Variants in DERL1 observed in about 807,000 individuals in gnomAD.
DERL1 encodes derlin 1, also known as derlin-1.
In DERL1, 24 loss-of-function variants were observed where a neutral mutation model predicts 41.6. The observed-to-expected ratio is 0.58, with a 90% CI of 0.42 to 0.81. The LOEUF (loss-of-function observed/expected upper bound fraction) is 0.81. Among genes scored for constraint, DERL1 ranks in the 30% least tolerant of loss-of-function variants. The pLI is 0.00. For missense variants in DERL1, 260 were observed against 314.3 expected, an observed-to-expected ratio of 0.83 and a Z score of 1.31; for synonymous variants, 124 against 112.5, an observed-to-expected ratio of 1.10 and a Z score of -0.65.
rs1045877943 is a variant in DERL1, at chr8:123,013,803, A to C, written c.*1644T>G. The C allele has an allele frequency of 1.3e-5, 2 of 152,310 alleles. No individual in the cohort carries two copies. The highest frequency in any genetic ancestry group is 2.4e-5 in the African/African-American group (1 of 41,558). The allele number at this position is 152,310 out of a possible 1,614,324, so 9.4% of individuals were successfully genotyped here. ...TAATGGCCTCTAAAATTTTACAAGT[A>C]AACTTTATTGTGGCCACAGATGAAC... On this transcript the variant is annotated 3_prime_UTR_variant, in exon 8 of 8. Transcript: ENST00000259512.
At chr8:123,021,983 A>G (rs1255873360) in intron 5 of DERL1, among the ~76,000 whole-genome samples, 1 of 152,188 alleles carries the variant, frequency 6.6e-6, no homozygotes, top group Admixed American at 6.5e-5. Context: ...TACTCTCCCA[A>G]ATAAGAAAGC....
intron 6 of DERL1, among the ~76,000 whole-genome samples, chr8:123,021,064 G>A (rs1216973341): frequency 6.6e-6 from 1 of 151,732 alleles, no homozygotes; most frequent in African/African-American, 2.4e-5. Flanking sequence ...CAGTTTCCAA[G>A]GCATTCTGGA....
At chr8:123,027,318 AAT>A (rs553457743) in intron 2 of DERL1, among the ~76,000 whole-genome samples, 31,558 of 108,192 alleles carry the variant, frequency 0.29, 8,923 homozygotes, top group African/African-American at 0.46. Context: ...AAAAAAAAAA[AAT>A]TTAGTGGTCT....
intron 2 of DERL1, among the ~76,000 whole-genome samples, chr8:123,027,318 A>T (rs1207054875): frequency 1.8e-5 from 2 of 109,402 alleles, no homozygotes; most frequent in Non-Finnish European, 3.6e-5. Flanking sequence ...AAAAAAAAAA[A>T]ATTTAGTGGT....
At chr8:123,021,421 A>G (rs1399260615) in intron 6 of DERL1, 26 bp downstream of exon 6, 1 of 1,600,878 alleles carries the variant, frequency 6.2e-7, no homozygotes, top group South Asian at 1.1e-5. Context: ...ATTAGTTTCC[A>G]ATTAAATAAA....
chr8:123,017,577 G>A (rs1814609805), intron 7 of DERL1: 1 of 152,162 alleles, frequency 6.6e-6, no homozygotes, highest in Non-Finnish European at 1.5e-5. Context: ...TTTGCAAGGA[G>A]CTGTATTTTG....
At chr8:123,031,048 G>T (rs1812808347) in intron 1 of DERL1, among the ~76,000 whole-genome samples, 1 of 152,126 alleles carries the variant, frequency 6.6e-6, no homozygotes, top group Non-Finnish European at 1.5e-5. Context: ...AATTACAAAG[G>T]CTTAATTTCC....
chr8:123,039,955 C>T (rs1049490913), intron 1 of DERL1, among the ~76,000 whole-genome samples: 31 of 152,186 alleles, frequency 2.0e-4, no homozygotes, highest in Admixed American at 1.4e-3. Flanking sequence ...CAGTGGCTCA[C>T]GCCTCTAATC....
chr8:123,015,630 G>A (rs1312559956), intron 7 of DERL1, 45 bp from the exon 8 acceptor site: 1 of 1,575,782 alleles, frequency 6.3e-7, no homozygotes, highest in Non-Finnish European at 8.6e-7. Flanking sequence ...AGAGAACAAA[G>A]TCACTTCCAC....
rs951773037 is a variant in DERL1 at position 123,014,424 on chromosome 8, G to A, written c.*1023C>T. The A allele has an allele frequency of 2.0e-5, 3 of 152,696 alleles. No homozygotes were observed. Among genetic ancestry groups the A allele is most frequent in the Admixed American group, 1.3e-4 (2 of 15,266 alleles). The allele number at this position is 152,696 out of a possible 1,614,324, so 9.5% of individuals were successfully genotyped here. A position where few individuals can be genotyped will look rare whatever the true frequency, so the allele number is the denominator to read the frequency against. On this transcript the variant is annotated 3_prime_UTR_variant, in exon 8 of 8. Transcript: ENST00000259512. ...ATTAATTGAAACATGACCAAAAAAC[G>A]GGGGATAGGCAAAAAAGTGACATTT...
intron 2 of DERL1, among the ~76,000 whole-genome samples, chr8:123,026,159 A>G (rs1812684749): frequency 6.6e-6 from 1 of 152,172 alleles, no homozygotes; most frequent in African/African-American, 2.4e-5. Context: ...TTCCAGCAAA[A>G]GTGTCTTCTA....
chr8:123,026,911 G>T (rs1430258704), intron 2 of DERL1, among the ~76,000 whole-genome samples: 1 of 152,138 alleles, frequency 6.6e-6, no homozygotes, highest in Non-Finnish European at 1.5e-5. Flanking sequence ...AAAACATTAT[G>T]CTACGTAAAA....
chr8:123,017,780 C>A (rs1260598201), intron 7 of DERL1: 1 of 152,160 alleles, frequency 6.6e-6, no homozygotes, highest in Non-Finnish European at 1.5e-5. Flanking sequence ...TTGGCTGCCC[C>A]CCAAAAGCAC....
At chr8:123,039,070 G>A (rs955035050) in intron 1 of DERL1, among the ~76,000 whole-genome samples, 5 of 152,152 alleles carry the variant, frequency 3.3e-5, no homozygotes, top group African/African-American at 7.2e-5. Flanking sequence ...AGTCCTGCTC[G>A]CTTCACCCAT....
At chr8:123,040,055 T>C (rs1025120868) in intron 1 of DERL1, among the ~76,000 whole-genome samples, 5 of 152,048 alleles carry the variant, frequency 3.3e-5, no homozygotes, top group African/African-American at 7.2e-5. Flanking sequence ...CCGTCTCTAC[T>C]AAAATACAAA....
chr8:123,031,602 C>T (rs1297932776), intron 1 of DERL1, among the ~76,000 whole-genome samples: 1 of 152,104 alleles, frequency 6.6e-6, no homozygotes, highest in Non-Finnish European at 1.5e-5. Context: ...AAGTAAGCCT[C>T]ATTCCCAACC....
intron 1 of DERL1, among the ~76,000 whole-genome samples, chr8:123,041,330 G>A (rs556780267): frequency 1.3e-5 from 2 of 152,302 alleles, no homozygotes; most frequent in South Asian, 4.1e-4. Context: ...TGACAGAAAT[G>A]TTACTCTGGA....
rs1373912808 is a variant in DERL1 at position 123,030,732 on chromosome 8, T to TA, written c.154-17dup. On this transcript the variant is annotated splice_polypyrimidine_tract_variant and intron_variant, in intron 1 of 7. Coordinates refer to ENST00000259512, the MANE Select transcript of DERL1 (RefSeq NM_024295.6). Reference sequence around the variant, plus strand: ...GCCTCCAAATCTGTCCAGATCAAAATAAACACAGCTGTTAGTTTCTGTAAG... The same window carrying TA: ...GCCTCCAAATCTGTCCAGATCAAAATAAAACACAGCTGTTAGTTTCTGTAAG... The TA allele has an allele frequency of 6.5e-7, 1 of 1,536,522 alleles. No individual in the cohort carries two copies. The highest frequency in any genetic ancestry group is 1.4e-5 in the African/African-American group (1 of 73,006).
At chr8:123,036,918 G>T (rs960155192) in intron 1 of DERL1, among the ~76,000 whole-genome samples, 1 of 152,182 alleles carries the variant, frequency 6.6e-6, no homozygotes, top group African/African-American at 2.4e-5. Context: ...TAAGCACAAG[G>T]CTGAGTCACA....
Sources: allele counts gnomAD v4.1 joint callset (sites outside exome capture counted in the v4.1 genomes callset), GRCh38; gene constraint gnomAD v4.1.1; transcripts MANE v1.5; gene names NCBI Gene and HGNC (gene_info 2026-07-23, HGNC 2026-07-21).